Variants in MAGI2 observed in about 807,000 individuals in gnomAD.
The protein encoded by MAGI2 is membrane associated guanylate kinase, WW and PDZ domain containing 2.
MAGI2 carries 35 observed loss-of-function variants against 133.3 expected under a neutral mutation model. The observed-to-expected ratio is 0.26, with a 90% CI of 0.20 to 0.35. MAGI2 has a LOEUF of 0.35. Among genes scored for constraint, MAGI2 ranks in the 10% least tolerant of loss-of-function variants. The pLI is 1.00. For missense variants in MAGI2, 1,636 were observed against 1,863.4 expected, an observed-to-expected ratio of 0.88 and a Z score of 2.25; for synonymous variants, 729 against 710.6, an observed-to-expected ratio of 1.03 and a Z score of -0.41.
chr7:78,995,279 T>C (rs1273445948), intron 2 of MAGI2, among the ~76,000 whole-genome samples: 1 of 152,178 alleles, frequency 6.6e-6, no homozygotes, highest in African/African-American at 2.4e-5. Flanking sequence ...GGCTGTGGGT[T>C]GGGTAAGCTT....
intron 2 of MAGI2, among the ~76,000 whole-genome samples, chr7:78,834,165 ACT>A (rs1284919389): frequency 2.6e-5 from 4 of 152,000 alleles, no homozygotes; most frequent in Non-Finnish European, 4.4e-5. Context: ...CATGGCTTCA[ACT>A]CTATTTTTAT....
At chr7:79,183,922 G>T (rs1744411535) in intron 1 of MAGI2, among the ~76,000 whole-genome samples, 1 of 151,692 alleles carries the variant, frequency 6.6e-6, no homozygotes, top group Admixed American at 6.6e-5. Context: ...TTTGTATACA[G>T]AATTTTTTAA....
At chr7:78,586,147 T>G (rs1356461570) in intron 3 of MAGI2, among the ~76,000 whole-genome samples, 1 of 152,248 alleles carries the variant, frequency 6.6e-6, no homozygotes, top group Non-Finnish European at 1.5e-5. Context: ...GCTCTACAGC[T>G]GAGAGATTGC....
intron 1 of MAGI2, among the ~76,000 whole-genome samples, chr7:79,347,487 T>C (rs1414959802): frequency 4.6e-5 from 7 of 151,818 alleles, no homozygotes. Flanking sequence ...CACAGCTTCA[T>C]TGACATTGAG....
intron 15 of MAGI2, among the ~76,000 whole-genome samples, chr7:78,162,080 AAAAC>A (rs1233825322): frequency 6.6e-6 from 1 of 152,224 alleles, no homozygotes; most frequent in Non-Finnish European, 1.5e-5. Context: ...AGGAAGAACA[AAAAC>A]AAACAATTAT....
intron 2 of MAGI2, among the ~76,000 whole-genome samples, chr7:78,936,484 A>G (rs1460247573): frequency 1.3e-5 from 2 of 151,988 alleles, no homozygotes; most frequent in Admixed American, 1.3e-4. Context: ...AAGTTAAAAT[A>G]ATATATATGT....
At chr7:78,820,474 A>G (rs1790002226) in intron 2 of MAGI2, among the ~76,000 whole-genome samples, 1 of 151,914 alleles carries the variant, frequency 6.6e-6, no homozygotes, top group Non-Finnish European at 1.5e-5. Flanking sequence ...TTTAAAATGA[A>G]GTTATGAAAG....
chr7:78,970,622 A>G (rs1014086965), intron 2 of MAGI2, among the ~76,000 whole-genome samples: 4 of 152,076 alleles, frequency 2.6e-5, no homozygotes, highest in Non-Finnish European at 4.4e-5. Flanking sequence ...GATAAAGAAG[A>G]CTAAAGAAAT....
chr7:78,976,301 A>G (rs368057578), intron 2 of MAGI2, among the ~76,000 whole-genome samples: 79 of 151,704 alleles, frequency 5.2e-4, no homozygotes, highest in Non-Finnish European at 9.5e-4. Context: ...GTAATCTAAC[A>G]TATCAACAGG....
chr7:78,836,498 TAG>T (rs1184208008), intron 2 of MAGI2, among the ~76,000 whole-genome samples: 5 of 152,300 alleles, frequency 3.3e-5, no homozygotes, highest in African/African-American at 9.6e-5. Context: ...TGCTTATTGA[TAG>T]AGAGTACTGA....
At chr7:79,443,768 G>A (rs1039756416) in intron 1 of MAGI2, among the ~76,000 whole-genome samples, 22 of 152,272 alleles carry the variant, frequency 1.4e-4, no homozygotes, top group African/African-American at 4.1e-4. Flanking sequence ...AATTTATGCT[G>A]GAATTGGGAA....
intron 2 of MAGI2, among the ~76,000 whole-genome samples, chr7:78,905,024 T>C (rs926883801): frequency 2.0e-5 from 3 of 152,192 alleles, no homozygotes; most frequent in Admixed American, 6.5e-5. Flanking sequence ...GTAGGTATTA[T>C]CTTTCTTTTC....
chr7:78,571,954 A>G (rs1801542462), intron 3 of MAGI2, among the ~76,000 whole-genome samples: 1 of 152,204 alleles, frequency 6.6e-6, no homozygotes, highest in Non-Finnish European at 1.5e-5. Flanking sequence ...CTGATATGGC[A>G]AAGTCCTGGC....
chr7:78,583,562 T>A (rs1000518975), intron 3 of MAGI2: 1 of 151,742 alleles, frequency 6.6e-6, no homozygotes, highest in Non-Finnish European at 1.5e-5. Context: ...TAGAAGTGAA[T>A]AAAAACAAAA....
chr7:79,308,323 C>T (rs912574055), intron 1 of MAGI2, among the ~76,000 whole-genome samples: 35 of 152,148 alleles, frequency 2.3e-4, no homozygotes, highest in African/African-American at 7.5e-4. Context: ...CACCAACATG[C>T]GTTCTCAGTA....
intron 3 of MAGI2, among the ~76,000 whole-genome samples, chr7:78,533,477 C>T (rs1311410371): frequency 6.6e-6 from 1 of 152,088 alleles, no homozygotes; most frequent in Non-Finnish European, 1.5e-5. Context: ...TGTAAGGTTC[C>T]AGTGTAATCT....
At chr7:79,444,704 G>A (rs1848722451) in intron 1 of MAGI2, among the ~76,000 whole-genome samples, 1 of 152,058 alleles carries the variant, frequency 6.6e-6, no homozygotes, top group Admixed American at 6.5e-5. Flanking sequence ...CTCATGGGTA[G>A]GAAGAATCAA....
chr7:79,447,741 AATAGT>A (rs1304916435), intron 1 of MAGI2, among the ~76,000 whole-genome samples: 1 of 151,932 alleles, frequency 6.6e-6, no homozygotes, highest in Non-Finnish European at 1.5e-5. Context: ...AATACTATAA[AATAGT>A]ATAGTATAAA....
At chr7:78,167,235 A>C (rs1185110442) in intron 15 of MAGI2, among the ~76,000 whole-genome samples, 1 of 152,202 alleles carries the variant, frequency 6.6e-6, no homozygotes, top group Non-Finnish European at 1.5e-5. Context: ...CATATTCCTT[A>C]AAAATATAAA....
Sources: allele counts gnomAD v4.1 joint callset (sites outside exome capture counted in the v4.1 genomes callset), GRCh38; gene constraint gnomAD v4.1.1; transcripts MANE v1.5; gene names NCBI Gene and HGNC (gene_info 2026-07-23, HGNC 2026-07-21).